The following SUGCT variants were observed in gnomAD, a reference collection of about 807,000 sequenced individuals.
SUGCT encodes succinyl-CoA:glutarate CoA-transferase.
In SUGCT, 41 loss-of-function variants were observed where a neutral mutation model predicts 55.0. The observed-to-expected ratio is 0.74, with a 90% CI of 0.58 to 0.97. The LOEUF is 0.97. Among genes scored for constraint, SUGCT ranks in the 50% least tolerant of loss-of-function variants. The pLI is 0.00. For missense variants in SUGCT, 568 were observed against 547.8 expected, an observed-to-expected ratio of 1.04 and a Z score of -0.37; for synonymous variants, 187 against 200.4, an observed-to-expected ratio of 0.93 and a Z score of 0.56.
At chr7:40,811,768 C>A (rs1384294429) in intron 13 of SUGCT, among the ~76,000 whole-genome samples, 1 of 152,012 alleles carries the variant, frequency 6.6e-6, no homozygotes, top group Non-Finnish European at 1.5e-5. Flanking sequence ...CTTTGTCTTG[C>A]CTGATTGCTC....
the SUGCT span, among the ~76,000 whole-genome samples, chr7:40,878,648 T>A: frequency 2.0e-5 from 3 of 152,166 alleles, no homozygotes; most frequent in Non-Finnish European, 2.9e-5. Context: ...CAGATATCAT[T>A]CTGTGTGCAG....
At chr7:40,968,856 C>T in the SUGCT span, among the ~76,000 whole-genome samples, 2 of 152,128 alleles carry the variant, frequency 1.3e-5, no homozygotes, top group Admixed American at 1.3e-4. Flanking sequence ...CACATGGCAC[C>T]CAGACCCCAC....
chr7:40,531,330 A>C (rs1370737235), intron 12 of SUGCT, among the ~76,000 whole-genome samples: 2 of 152,206 alleles, frequency 1.3e-5, no homozygotes, highest in African/African-American at 4.8e-5. Context: ...GCACTGAAAC[A>C]ACTGGCTCAC....
At chr7:40,214,970 T>C (rs1401019650) in intron 6 of SUGCT, among the ~76,000 whole-genome samples, 1 of 151,608 alleles carries the variant, frequency 6.6e-6, no homozygotes, top group African/African-American at 2.4e-5. Context: ...TGTATATGTA[T>C]AGAGGAGAGA....
chr7:40,928,131 T>C, the SUGCT span, among the ~76,000 whole-genome samples: 1 of 152,078 alleles, frequency 6.6e-6, no homozygotes, highest in South Asian at 2.1e-4. Flanking sequence ...TTATTTTTTT[T>C]CCCACCCATT....
chr7:40,753,386 T>A (rs1788108608), intron 13 of SUGCT, among the ~76,000 whole-genome samples: 1 of 152,174 alleles, frequency 6.6e-6, no homozygotes, highest in African/African-American at 2.4e-5. Flanking sequence ...TGCTACACTG[T>A]TTTCTGGTTA....
At chr7:40,620,274 A>G (rs983581693) in intron 12 of SUGCT, among the ~76,000 whole-genome samples, 6 of 152,236 alleles carry the variant, frequency 3.9e-5, no homozygotes, top group Non-Finnish European at 8.8e-5. Context: ...CCAGCACAGC[A>G]CTTGTTCAAG....
intron 12 of SUGCT, among the ~76,000 whole-genome samples, chr7:40,653,602 C>G (rs1031594959): frequency 6.6e-5 from 10 of 152,164 alleles, no homozygotes; most frequent in Admixed American, 2.6e-4. Context: ...TTTTCCCTCC[C>G]TTTCAGTTTC....
rs114284524 is a variant in SUGCT at position 40,342,197 on chromosome 7, C to T, written c.816+25342C>T. On this transcript the variant is annotated intron_variant, in intron 9 of 13. Coordinates refer to ENST00000335693, the MANE Select transcript of SUGCT (RefSeq NM_001193313.2). Reference sequence around the variant, plus strand: ...AAGGGAGACAACTTGATTTTTGAACCTCTCTAATTGTCATTAGTGACCTAG... The same window carrying T: ...AAGGGAGACAACTTGATTTTTGAACTTCTCTAATTGTCATTAGTGACCTAG... Among the ~76,000 whole-genome samples, 351 of 152,324 alleles carry T rather than the reference C, an allele frequency of 2.3e-3. 3 individuals carry two copies. Among genetic ancestry groups the T allele is most frequent in the African/African-American group, 7.7e-3 (319 of 41,576 alleles).
At chr7:40,435,319 T>G (rs1042871244) in intron 9 of SUGCT, among the ~76,000 whole-genome samples, 1 of 152,148 alleles carries the variant, frequency 6.6e-6, no homozygotes, top group South Asian at 2.1e-4. Flanking sequence ...ATCCTTAAAC[T>G]TGGGTGATCA....
intron 1 of SUGCT, chr7:40,153,611 A>G (rs1788696465): frequency 1.9e-6 from 1 of 520,706 alleles, no homozygotes; most frequent in Non-Finnish European, 3.9e-6. Context: ...GTGGTCTGCT[A>G]CCTTATGTTA....
chr7:40,772,625 A>G (rs1433715754), intron 13 of SUGCT, among the ~76,000 whole-genome samples: 1 of 141,816 alleles, frequency 7.1e-6, no homozygotes, highest in African/African-American at 2.5e-5. Context: ...CTATCTATCT[A>G]TCTATCTCTA....
intron 9 of SUGCT, among the ~76,000 whole-genome samples, chr7:40,431,655 T>G (rs1022088406): frequency 6.6e-6 from 1 of 152,168 alleles, no homozygotes; most frequent in African/African-American, 2.4e-5. Flanking sequence ...TTCACTGCCT[T>G]TGTTAAATTT....
the SUGCT span, among the ~76,000 whole-genome samples, chr7:40,891,714 A>G: frequency 1.3e-5 from 2 of 152,200 alleles, no homozygotes; most frequent in Admixed American, 1.3e-4. Context: ...AAAACATATG[A>G]AAATATAAAA....
At chr7:40,971,610 T>G in the SUGCT span, among the ~76,000 whole-genome samples, 1 of 152,060 alleles carries the variant, frequency 6.6e-6, no homozygotes, top group African/African-American at 2.4e-5. Context: ...AGACATTGAG[T>G]GAGAGTGTTT....
chr7:40,697,080 TCACACGTAACACA>T (rs1389390075), intron 12 of SUGCT, among the ~76,000 whole-genome samples: 1 of 152,022 alleles, frequency 6.6e-6, no homozygotes, highest in Non-Finnish European at 1.5e-5. Flanking sequence ...ACACACACAC[TCACACGTAACACA>T]CACACACAGC....
chr7:40,274,737 A>G, intron 8 of SUGCT, 81 bp downstream of exon 8: 1 of 1,315,748 alleles, frequency 7.6e-7, no homozygotes, highest in Non-Finnish European at 1.1e-6. Flanking sequence ...TTCTATGGTC[A>G]CATGTACAAA....
At chr7:40,284,152 G>T (rs1793157653) in intron 8 of SUGCT, among the ~76,000 whole-genome samples, 1 of 152,016 alleles carries the variant, frequency 6.6e-6, no homozygotes, top group African/African-American at 2.4e-5. Context: ...GGTTGGAGGT[G>T]GGGGCAGGGG....
intron 8 of SUGCT, among the ~76,000 whole-genome samples, chr7:40,312,131 C>T (rs1795192713): frequency 1.3e-5 from 2 of 151,342 alleles, no homozygotes; most frequent in Admixed American, 6.6e-5. Context: ...CCTCTGCTTC[C>T]CGGGTTCAAG....
Sources: allele counts gnomAD v4.1 joint callset (sites outside exome capture counted in the v4.1 genomes callset), GRCh38; gene constraint gnomAD v4.1.1; transcripts MANE v1.5; gene names NCBI Gene and HGNC (gene_info 2026-07-23, HGNC 2026-07-21).